The following ACYP2 variants were observed in gnomAD, a reference collection of about 807,000 sequenced individuals.
ACYP2 encodes acylphosphatase-2.
Under a neutral mutation model 11.2 loss-of-function variants are expected in ACYP2, and 12 were observed. That is an observed-to-expected ratio of 1.08 (90% CI 0.69 to 1.74). ACYP2 has a LOEUF of 1.74. Ranked by LOEUF, ACYP2 falls within the 40% of genes most tolerant of loss-of-function variation. ACYP2 has a pLI of 0.00. For missense variants in ACYP2, 134 were observed against 101.9 expected (o/e 1.31, Z -1.35); for synonymous variants, 43 against 32.2 (o/e 1.33, Z -1.13).
chr2:54,032,385 C>G (rs1674629263), intron 2 of ACYP2, among the ~76,000 whole-genome samples: 1 of 152,186 alleles, frequency 6.6e-6, no homozygotes, highest in Non-Finnish European at 1.5e-5. Context: ...AATAGGGAAT[C>G]CTTCGCCCAT....
intron 6 of ACYP2, chr2:54,255,291 G>T: frequency 1.9e-6 from 3 of 1,614,196 alleles, no homozygotes; most frequent in Non-Finnish European, 2.5e-6. Context: ...CTGTCCTAGG[G>T]TGTCTGAGCT....
intron 4 of ACYP2, among the ~76,000 whole-genome samples, chr2:54,122,600 A>G (rs1680225402): frequency 1.3e-5 from 2 of 152,248 alleles, no homozygotes; most frequent in African/African-American, 4.8e-5. Context: ...AACACTGATA[A>G]AGTGCAGAAA....
intron 2 of ACYP2, among the ~76,000 whole-genome samples, chr2:54,002,690 T>C (rs1672860342): frequency 6.6e-6 from 1 of 150,812 alleles, no homozygotes; most frequent in Non-Finnish European, 1.5e-5. Context: ...TCGCTCTTGC[T>C]GCCCAGGCTG....
At chr2:54,160,937 A>C (rs1262411701) in intron 6 of ACYP2, among the ~76,000 whole-genome samples, 1 of 152,228 alleles carries the variant, frequency 6.6e-6, no homozygotes, top group Non-Finnish European at 1.5e-5. Context: ...ATAATTTGGA[A>C]GATTGGAAAA....
intron 6 of ACYP2, among the ~76,000 whole-genome samples, chr2:54,242,942 T>C (rs1158806887): frequency 6.6e-6 from 1 of 152,230 alleles, no homozygotes; most frequent in East Asian, 1.9e-4. Flanking sequence ...TAGCACCCTT[T>C]AGCAAACTCC....
chr2:54,126,037 C>T (rs909672141), intron 4 of ACYP2, among the ~76,000 whole-genome samples: 1 of 151,818 alleles, frequency 6.6e-6, no homozygotes, highest in Non-Finnish European at 1.5e-5. Context: ...GCGGAGATTG[C>T]ACCACTGCAC....
At chr2:54,300,856 A>C (rs1002502959) in intron 6 of ACYP2, among the ~76,000 whole-genome samples, 1 of 152,240 alleles carries the variant, frequency 6.6e-6, no homozygotes, top group Admixed American at 6.5e-5. Context: ...CCTAATTGCC[A>C]CTACTGGATA....
intron 2 of ACYP2, among the ~76,000 whole-genome samples, chr2:53,997,742 G>A (rs2104524835): frequency 6.6e-6 from 1 of 152,114 alleles, no homozygotes; most frequent in South Asian, 2.1e-4. Flanking sequence ...AGAGATAGAT[G>A]GGGAATAGAT....
chr2:54,170,579 TTAA>T (rs1558585059), intron 6 of ACYP2, among the ~76,000 whole-genome samples: 1 of 119,914 alleles, frequency 8.3e-6, no homozygotes, highest in African/African-American at 5.4e-5. Flanking sequence ...TTTTTTTTTT[TTAA>T]AATCACAGAA....
intron 6 of ACYP2, among the ~76,000 whole-genome samples, chr2:54,300,001 C>T (rs1263377444): frequency 6.6e-6 from 1 of 152,166 alleles, no homozygotes; most frequent in East Asian, 1.9e-4. Flanking sequence ...ACTCTTCCTC[C>T]ACCCCACTTA....
At chr2:54,011,490 C>T (rs937204051) in intron 2 of ACYP2, among the ~76,000 whole-genome samples, 1 of 152,144 alleles carries the variant, frequency 6.6e-6, no homozygotes, top group Non-Finnish European at 1.5e-5. Context: ...AGTTCTCTCT[C>T]ATAATAATAG....
chr2:54,104,602 T>A (rs187866952), intron 4 of ACYP2, among the ~76,000 whole-genome samples: 24 of 152,346 alleles, frequency 1.6e-4, no homozygotes, highest in African/African-American at 5.1e-4. Context: ...TACAGGCTAC[T>A]GTTTTAGTCT....
chr2:54,290,867 T>C (rs1165303269), intron 6 of ACYP2, among the ~76,000 whole-genome samples: 1 of 152,158 alleles, frequency 6.6e-6, no homozygotes, highest in Non-Finnish European at 1.5e-5. Context: ...TCCTCAAATA[T>C]TGCTCTTCTG....
At chr2:54,255,696 A>T (rs768887118) in intron 6 of ACYP2, 12 of 1,613,632 alleles carry the variant, frequency 7.4e-6, no homozygotes, top group Non-Finnish European at 8.5e-6. Flanking sequence ...CACACTCCTC[A>T]GGCTTCACGT....
chr2:54,177,576 ATTTT>A (rs370517956), intron 6 of ACYP2, among the ~76,000 whole-genome samples: 12 of 130,774 alleles, frequency 9.2e-5, no homozygotes, highest in African/African-American at 3.0e-4. Flanking sequence ...GATACCTACT[ATTTT>A]TTTTTTTTTT....
chr2:54,103,011 A>G (rs1184061035), intron 4 of ACYP2, among the ~76,000 whole-genome samples: 7 of 152,146 alleles, frequency 4.6e-5, no homozygotes, highest in African/African-American at 1.7e-4. Context: ...AAAAAATCTG[A>G]TGAGTTAGGA....
intron 2 of ACYP2, among the ~76,000 whole-genome samples, chr2:54,047,112 G>A (rs143763210): frequency 1.3e-5 from 2 of 152,344 alleles, no homozygotes; most frequent in East Asian, 3.8e-4. Flanking sequence ...CACCAAGCAA[G>A]GCTGGATAAC....
chr2:54,067,907 G>A (rs1372437213), intron 4 of ACYP2, among the ~76,000 whole-genome samples: 2 of 152,128 alleles, frequency 1.3e-5, no homozygotes, highest in Non-Finnish European at 2.9e-5. Flanking sequence ...AAATGCTTTG[G>A]TTATCTTACG....
chr2:54,165,323 T>C (rs1467673930), intron 6 of ACYP2, among the ~76,000 whole-genome samples: 1 of 152,236 alleles, frequency 6.6e-6, no homozygotes, highest in Admixed American at 6.5e-5. Flanking sequence ...TTTCCTGCAA[T>C]CATGAATATG....
Sources: allele counts gnomAD v4.1 joint callset (sites outside exome capture counted in the v4.1 genomes callset), GRCh38; gene constraint gnomAD v4.1.1; transcripts MANE v1.5; gene names NCBI Gene and HGNC (gene_info 2026-07-23, HGNC 2026-07-21).